Variants in FOXN4 observed in about 807,000 individuals in gnomAD.
FOXN4 encodes forkhead box protein N4.
Under a neutral mutation model 45.0 loss-of-function variants are expected in FOXN4, and 12 were observed. That is an observed-to-expected ratio of 0.27 (90% confidence interval 0.17 to 0.43). The LOEUF is 0.43. FOXN4 is among the 20% of genes least tolerant of loss of function. The probability of loss-of-function intolerance (pLI) is 1.00; values close to 1 mark genes in which losing one functional copy is unlikely to be tolerated. For missense variants in FOXN4, 560 were observed against 694.9 expected (o/e 0.81, Z 2.18); for synonymous variants, 297 against 295.0 (o/e 1.01, Z -0.07).
At chr12:109,304,293 AAG>A (rs2047900954) in intron 2 of FOXN4, among the ~76,000 whole-genome samples, 1 of 44,352 alleles carries the variant, frequency 2.3e-5, no homozygotes, top group Admixed American at 2.8e-4. Flanking sequence ...GAAAGAAAGA[AAG>A]GAGAAAGAAA....
At chr12:109,286,812 A>T in intron 6 of FOXN4, 68 bp from the exon 7 acceptor site, 1 of 1,527,854 alleles carries the variant, frequency 6.5e-7, no homozygotes. Flanking sequence ...AAAGGGTCTC[A>T]GGCTGACAGC....
At chr12:109,307,853 C>T (rs567860216) in intron 2 of FOXN4, among the ~76,000 whole-genome samples, 1 of 152,294 alleles carries the variant, frequency 6.6e-6, no homozygotes, top group African/African-American at 2.4e-5. Flanking sequence ...GAGGATAGAA[C>T]CCAATTCCTC....
chr12:109,303,857 T>G (rs2047888469), intron 2 of FOXN4, among the ~76,000 whole-genome samples: 1 of 152,160 alleles, frequency 6.6e-6, no homozygotes. Flanking sequence ...TCTCTTGGCC[T>G]CAGTATCCTT....
chr12:109,306,499 G>A (rs1023506930), intron 2 of FOXN4, among the ~76,000 whole-genome samples: 16 of 152,174 alleles, frequency 1.1e-4, no homozygotes, highest in Admixed American at 9.8e-4. Context: ...GGATGCGCTC[G>A]CCCAGGCTTG....
At chr12:109,307,782 CT>C (rs1218029612) in intron 2 of FOXN4, among the ~76,000 whole-genome samples, 1 of 152,206 alleles carries the variant, frequency 6.6e-6, no homozygotes, top group Non-Finnish European at 1.5e-5. Context: ...AAAGGACTTG[CT>C]GAATGTCACA....
Position 109,279,467 on chromosome 12 carries a change from A to T in FOXN4, c.*204T>A. The T allele has an allele frequency of 1.4e-6, 1 of 721,918 alleles. No homozygotes were observed. Among genetic ancestry groups the T allele is most frequent in the Non-Finnish European group, 2.2e-6 (1 of 450,608 alleles). The allele number at this position is 721,918 out of a possible 1,614,324, so 44.7% of individuals were successfully genotyped here. ...TTCTGACTTGGAAGAGCCCCCAGAA[A>T]CTGCTCCGGAAGCTCCAGGGGGAGG... On this transcript the variant is annotated 3_prime_UTR_variant, in exon 10 of 10. Transcript: ENST00000299162.
intron 2 of FOXN4, among the ~76,000 whole-genome samples, chr12:109,295,209 G>A (rs1395404984): frequency 2.6e-5 from 4 of 152,190 alleles, no homozygotes; most frequent in South Asian, 4.2e-4. Flanking sequence ...TGGTGTGTGT[G>A]TAACAGAGAG....
Position 109,290,242 on chromosome 12 carries a change from T to C in FOXN4, c.131A>G (p.Gln44Arg), listed in dbSNP as rs925315187. 1.3e-6 allele frequency: 2 copies of C among 1,551,330 alleles called. No homozygotes were observed. Among genetic ancestry groups the C allele is most frequent in the East Asian group, 4.9e-5 (2 of 40,904 alleles). The part of the protein sequence containing the change: ...TSDDDLPGDL[Q>R]SLSWLTAVDV... ...CACCGCCGTGAGCCACGACAGCGAC[T>C]GCAGGTCCCCGGGAAGGTCATCATC... is the stretch of plus-strand genomic sequence containing the variant. Residue 44 changes from glutamine to arginine, a missense_variant, in exon 3 of 10, where the codon CAG (glutamine) becomes CGG (arginine). Gln to Arg is a conservative substitution (Grantham distance 43, BLOSUM62 1). Around this residue, in one of 5 missense-constraint regions of FOXN4, gnomAD observed 142 missense variants for 185.7 expected, o/e 0.76. Transcript: ENST00000299162. The surrounding 1 kb of genome is among the most constrained non-coding windows in gnomAD (Gnocchi z 5.1).
chr12:109,293,509 G>T (rs1354244547), intron 2 of FOXN4, among the ~76,000 whole-genome samples: 4 of 152,120 alleles, frequency 2.6e-5, no homozygotes, highest in African/African-American at 9.7e-5. Context: ...GCCTTTGTTT[G>T]TTTTTTGAGA....
In FOXN4 at chr12:109,279,907, C is replaced by G. The variant is rs140404797; in HGVS notation, c.1318G>C (p.Asp440His). Residue 440 changes from aspartate (D) to histidine (H), a missense_variant, in exon 10 of 10, where the codon GAT becomes CAT. Physicochemically the swap from Asp to His is moderately conservative, Grantham distance 81. Around this residue, in one of 5 missense-constraint regions of FOXN4, gnomAD observed 315 missense variants for 350.5 expected, o/e 0.90. Transcript: ENST00000299162. ...LQGNLWEEMK[D>H]EGFSLDTLGA... ...AGTGTGTCCAAGCTGAATCCCTCAT[C>G]CTTCATCTCCTCCCACAGGTTCCCT... The G allele has an allele frequency of 7.4e-6, 12 of 1,613,854 alleles. No homozygotes were observed. The South Asian group carries it at 1.3e-4, about 18-fold the overall frequency.
chr12:109,285,606 G>A lies in FOXN4; in HGVS notation c.694-95C>T, dbSNP rs11066107. 2.3e-3 allele frequency: 2,954 copies of A among 1,273,568 alleles called. 95 individuals carry two copies. The East Asian group carries it at 0.067, about 29-fold the overall frequency. 78.9% of individuals were successfully genotyped at this position (1,273,568 alleles called of 1,614,324 possible). The stretch of plus-strand genomic sequence containing the variant: ...CAGGCCTATAGGGGCAGGACACCGC[G>A]GTGGCAGGAGTAATTTGACAGTGCC... On this transcript the variant is annotated intron_variant, in intron 7 of 9. Transcript: ENST00000299162.
In FOXN4 at chr12:109,287,710, A is replaced by G; in HGVS notation, c.468+134T>C. On this transcript the variant is annotated intron_variant, in intron 5 of 9. Transcript: ENST00000299162. The surrounding 1 kb of genome is among the most constrained non-coding windows in gnomAD (Gnocchi z 4.1). ...GAGTTTTGGGGGAACGGAATGAATG[A>G]CCCCATGACATGAGCATGGAGGGAA... is the stretch of plus-strand genomic sequence containing the variant. 1 of 1,099,206 alleles carries G rather than the reference A, an allele frequency of 9.1e-7. No individual in the cohort carries two copies. Among genetic ancestry groups the G allele is most frequent in the Non-Finnish European group, 1.3e-6 (1 of 787,922 alleles). 68.1% of individuals were successfully genotyped at this position (1,099,206 alleles called of 1,614,324 possible).
intron 2 of FOXN4, among the ~76,000 whole-genome samples, chr12:109,298,340 T>TTTG (rs1555243659): frequency 2.7e-4 from 36 of 134,106 alleles, no homozygotes; most frequent in South Asian, 4.5e-4. Flanking sequence ...GGTTTTTTTT[T>TTTG]TTTGTTTTTT....
rs527289732 is a variant in FOXN4, at chr12:109,279,190, C to T, written c.*481G>A. 206 of 189,210 alleles carry T rather than the reference C, an allele frequency of 1.1e-3. No homozygotes were observed. The highest frequency in any genetic ancestry group is 2.0e-3 in the Non-Finnish European group (182 of 89,848). 11.7% of individuals were successfully genotyped at this position (189,210 alleles called of 1,614,324 possible). Reference sequence around the variant, plus strand: ...GCTCCATTTCCCGCCCTGGGCCTGTCCCCCGGAGGCTGCGGCTGAGGTTTG... The same window carrying T: ...GCTCCATTTCCCGCCCTGGGCCTGTTCCCCGGAGGCTGCGGCTGAGGTTTG... On this transcript the variant is annotated 3_prime_UTR_variant, in exon 10 of 10. Coordinates refer to ENST00000299162, the MANE Select transcript of FOXN4 (RefSeq NM_213596.3).
intron 2 of FOXN4, among the ~76,000 whole-genome samples, chr12:109,304,295 G>GAAAGAAAGAAAGAAAGAAAGAAAGAAAGA: frequency 2.5e-5 from 1 of 40,014 alleles, no homozygotes; most frequent in Non-Finnish European, 5.2e-5. Context: ...AAGAAAGAAA[G>GAAAGAAAGAAAGAAAGAAAGAAAGAAAGA]GAGAAAGAAA....
chr12:109,287,539 G>C lies in FOXN4; in HGVS notation c.469-15C>G. On this transcript the variant is annotated splice_polypyrimidine_tract_variant and intron_variant, in intron 5 of 9. Transcript: ENST00000299162. This position sits in a 1 kb window ranked among gnomAD's most constrained non-coding sequence, Gnocchi z 4.1. ...ACAGGAGGGCACTTCCCACAGGCAG[G>C]GGCAGGGAGAAAGTGGCAGAGAAAG... The C allele has an allele frequency of 2.0e-6, 3 of 1,510,390 alleles. No homozygotes were observed. Among genetic ancestry groups the C allele is most frequent in the East Asian group, 2.5e-5 (1 of 40,554 alleles). 93.6% of individuals were successfully genotyped at this position (1,510,390 alleles called of 1,614,324 possible).
chr12:109,300,079 T>C (rs901980949), intron 2 of FOXN4, among the ~76,000 whole-genome samples: 4 of 152,206 alleles, frequency 2.6e-5, no homozygotes, highest in African/African-American at 9.7e-5. Context: ...ATGGTGAGGA[T>C]TGAAGGAAGG....
chr12:109,281,302 C>T (rs1010966055), intron 9 of FOXN4, 105 bp downstream of exon 9: 3 of 1,418,844 alleles, frequency 2.1e-6, no homozygotes, highest in African/African-American at 1.4e-5. Context: ...GGGAACAAGA[C>T]TGTGGGGCAA....
intron 2 of FOXN4, among the ~76,000 whole-genome samples, chr12:109,306,869 C>G (rs1424831754): frequency 6.6e-6 from 1 of 152,226 alleles, no homozygotes; most frequent in Non-Finnish European, 1.5e-5. Flanking sequence ...AATCACTTGG[C>G]ATTATTTAAA....
Sources: allele counts gnomAD v4.1 joint callset (sites outside exome capture counted in the v4.1 genomes callset), GRCh38; gene constraint gnomAD v4.1.1; regional missense constraint gnomAD v4.1.1; non-coding constraint Gnocchi (gnomAD v3.1); transcripts MANE v1.5; gene names NCBI Gene and HGNC (gene_info 2026-07-23, HGNC 2026-07-21).